The following PRKCE variants were observed in gnomAD, a reference collection of about 807,000 sequenced individuals.
The protein encoded by PRKCE is protein kinase C epsilon type.
A neutral mutation model predicts 85.4 loss-of-function variants in PRKCE; 16 were observed. The observed-to-expected ratio is 0.19, with a 90% CI of 0.13 to 0.28. The LOEUF (loss-of-function observed/expected upper bound fraction) is 0.28, where lower values mean the gene tolerates loss of function less well. Among genes scored for constraint, PRKCE ranks in the 10% least tolerant of loss-of-function variants. The pLI is 1.00. For missense variants in PRKCE, 573 were observed against 975.2 expected, an observed-to-expected ratio of 0.59 and a Z score of 5.49; for synonymous variants, 388 against 371.5, an observed-to-expected ratio of 1.04 and a Z score of -0.51.
chr2:45,858,812 G>A (rs952534363), intron 2 of PRKCE, among the ~76,000 whole-genome samples: 5 of 152,042 alleles, frequency 3.3e-5, no homozygotes, highest in Non-Finnish European at 7.4e-5. Context: ...AGGCCAAGGC[G>A]GGCGGATCAC....
intron 1 of PRKCE, among the ~76,000 whole-genome samples, chr2:45,739,938 G>A (rs1357202088): frequency 6.6e-6 from 1 of 152,172 alleles, no homozygotes; most frequent in African/African-American, 2.4e-5. Flanking sequence ...CAATACTGTA[G>A]CTGTGATGAA....
At position 45,984,678 on chromosome 2, in the gene PRKCE, A is replaced by C; in HGVS notation, c.821A>C (p.Lys274Thr). The C allele has an allele frequency of 6.3e-7, 1 of 1,598,392 alleles. No homozygotes were observed. Among genetic ancestry groups the C allele is most frequent in the Non-Finnish European group, 8.5e-7 (1 of 1,179,002 alleles). ...CTCTTGCGGCAGGGTTTGCAGTGTA[A>C]AGGTAAGTTGCTCCCTGCCCTGCCC... ...WGLLRQGLQC[K>T]VCKMNVHRRC... The change falls in exon 6 of 15, where the codon AAA becomes ACA. Residue 274 changes from lysine to threonine, a missense_variant and splice_region_variant. By Grantham distance (78) the Lys-to-Thr change is moderately conservative. Coordinates refer to ENST00000306156, the MANE Select transcript of PRKCE (RefSeq NM_005400.3).
intron 10 of PRKCE, among the ~76,000 whole-genome samples, chr2:46,021,800 G>T (rs779925813): frequency 6.6e-6 from 1 of 152,048 alleles, no homozygotes; most frequent in African/African-American, 2.4e-5. Flanking sequence ...TCTCCCCAAC[G>T]CCCGCCATCT....
intron 10 of PRKCE, among the ~76,000 whole-genome samples, chr2:46,024,649 T>C (rs58635383): frequency 0.1 from 15,546 of 152,190 alleles, 1,520 homozygotes; most frequent in African/African-American, 0.25. Context: ...TTTGTGGCCT[T>C]CCCTGGACTT....
intron 10 of PRKCE, among the ~76,000 whole-genome samples, chr2:46,082,868 C>T (rs74756566): frequency 0.027 from 4,136 of 152,300 alleles, 169 homozygotes; most frequent in African/African-American, 0.094. Context: ...CAGTCATAGC[C>T]AATCTTCATT....
rs1215856380 is a variant in PRKCE at position 46,187,314 on chromosome 2, A to T, written c.*2433A>T. 6.6e-6 allele frequency: 1 copy of T among 152,248 alleles called. No homozygotes were observed. Among genetic ancestry groups the T allele is most frequent in the Non-Finnish European group, 1.5e-5 (1 of 68,036 alleles). The allele number at this position is 152,248 out of a possible 1,614,324, so 9.4% of individuals were successfully genotyped here. On this transcript the variant is annotated 3_prime_UTR_variant, in exon 15 of 15. Coordinates refer to ENST00000306156, the MANE Select transcript of PRKCE (RefSeq NM_005400.3). ...ACCTGGCAGCTGAAGGCAGCCAGTC[A>T]GTCTGTCCCAGAAAGGGCCCTTTTC... is the stretch of plus-strand genomic sequence containing the variant.
chr2:46,118,277 C>G (rs535507997), intron 11 of PRKCE, among the ~76,000 whole-genome samples: 5 of 152,186 alleles, frequency 3.3e-5, no homozygotes, highest in African/African-American at 9.7e-5. Flanking sequence ...AAATTCTACA[C>G]TCAGAAGAGT....
intron 13 of PRKCE, among the ~76,000 whole-genome samples, chr2:46,151,680 C>A (rs1346373529): frequency 3.3e-5 from 5 of 152,194 alleles, no homozygotes; most frequent in Admixed American, 6.5e-5. Context: ...TGGGCACCGC[C>A]CACCTGTGTC....
At chr2:45,896,603 G>T (rs1423350377) in intron 2 of PRKCE, among the ~76,000 whole-genome samples, 2 of 152,158 alleles carry the variant, frequency 1.3e-5, no homozygotes, top group African/African-American at 4.8e-5. Flanking sequence ...CAAGACAAAA[G>T]GCAATTTTGA....
At chr2:45,894,668 A>T (rs965621928) in intron 2 of PRKCE, among the ~76,000 whole-genome samples, 4 of 152,108 alleles carry the variant, frequency 2.6e-5, no homozygotes, top group African/African-American at 9.7e-5. Flanking sequence ...CACACACAGT[A>T]GTTCCCTTCC....
chr2:45,921,361 C>T (rs150714952), intron 2 of PRKCE, among the ~76,000 whole-genome samples: 2 of 152,296 alleles, frequency 1.3e-5, no homozygotes, highest in African/African-American at 2.4e-5. Context: ...AAAACACATA[C>T]GTAGATATAG....
intron 13 of PRKCE, 51 bp downstream of exon 13, chr2:46,151,280 TACACACACACACACACACAC>T (rs35676949): frequency 2.0e-5 from 11 of 559,056 alleles, no homozygotes; most frequent in African/African-American, 4.5e-5. Flanking sequence ...CTCCTCCCCC[TACACACACACACACACACAC>T]ACACACACAC....
chr2:45,834,617 C>T (rs550987458), intron 1 of PRKCE, among the ~76,000 whole-genome samples: 7 of 143,892 alleles, frequency 4.9e-5, no homozygotes, highest in South Asian at 4.4e-4. Flanking sequence ...TGTGTGTGTA[C>T]ACCCACATGC....
intron 1 of PRKCE, among the ~76,000 whole-genome samples, chr2:45,695,417 C>T (rs1404516929): frequency 6.6e-6 from 1 of 152,148 alleles, no homozygotes; most frequent in African/African-American, 2.4e-5. Context: ...TGTACCACCA[C>T]TTCACCAAAT....
intron 2 of PRKCE, among the ~76,000 whole-genome samples, chr2:45,908,187 C>G (rs1403944387): frequency 6.6e-6 from 1 of 152,154 alleles, no homozygotes; most frequent in African/African-American, 2.4e-5. Flanking sequence ...TACCCTTTAC[C>G]TCCCTCAGTT....
chr2:45,654,369 T>C (rs1675282655), intron 1 of PRKCE, among the ~76,000 whole-genome samples: 1 of 152,238 alleles, frequency 6.6e-6, no homozygotes, highest in African/African-American at 2.4e-5. Flanking sequence ...GGTTCTCAAA[T>C]TCATGTTGGA....
chr2:46,138,604 C>T lies in PRKCE; in HGVS notation c.1593-6489C>T, dbSNP rs534325724. 1.2e-4 allele frequency among the ~76,000 whole-genome samples: 18 copies of T among 152,098 alleles called. No homozygotes were observed. Among genetic ancestry groups the T allele is most frequent in the African/African-American group, 4.1e-4 (17 of 41,394 alleles). On this transcript the variant is annotated intron_variant, in intron 11 of 14. Transcript: ENST00000306156. The surrounding 1 kb of genome is among the most constrained non-coding windows in gnomAD (Gnocchi z 4.2). ...TCTGGCTTAGTGATCCGGGCCAGGC[C>T]GTGTTAGAGCCCTGATCACTGCTTA...
intron 11 of PRKCE, among the ~76,000 whole-genome samples, chr2:46,133,186 C>T (rs1275245768): frequency 1.3e-5 from 2 of 152,194 alleles, no homozygotes; most frequent in African/African-American, 2.4e-5. Context: ...GGTCCACTTC[C>T]GCCAGGCTCC....
chr2:46,124,442 T>C (rs1673651424), intron 11 of PRKCE, among the ~76,000 whole-genome samples: 1 of 152,226 alleles, frequency 6.6e-6, no homozygotes, highest in South Asian at 2.1e-4. Context: ...TGGCAATCTA[T>C]AGAGAATTTT....
Sources: allele counts gnomAD v4.1 joint callset (sites outside exome capture counted in the v4.1 genomes callset), GRCh38; gene constraint gnomAD v4.1.1; non-coding constraint Gnocchi (gnomAD v3.1); transcripts MANE v1.5; gene names NCBI Gene and HGNC (gene_info 2026-07-23, HGNC 2026-07-21).